The following GUCY1A1 variants were observed in gnomAD, a reference collection of about 807,000 sequenced individuals.
GUCY1A1 encodes the protein guanylate cyclase 1 soluble subunit alpha 1.
Under a neutral mutation model 64.5 loss-of-function variants are expected in GUCY1A1, and 48 were observed. That is an observed-to-expected ratio of 0.74 (90% CI 0.59 to 0.95). The LOEUF (loss-of-function observed/expected upper bound fraction) is 0.95, where lower values mean the gene tolerates loss of function less well. Ranked by LOEUF, GUCY1A1 falls within the 40% of genes least tolerant of loss-of-function variation. GUCY1A1 has a pLI of 0.00. For synonymous variants in GUCY1A1, 308 were observed against 303.4 expected (o/e 1.02, Z -0.16); for missense variants, 804 against 825.3 (o/e 0.97, Z 0.32).
At chr4:155,705,741 C>G (rs1292084299) in intron 4 of GUCY1A1, among the ~76,000 whole-genome samples, 1 of 152,146 alleles carries the variant, frequency 6.6e-6, no homozygotes, top group African/African-American at 2.4e-5. Context: ...ATCATCTGCT[C>G]TGTGGATCAT....
intron 8 of GUCY1A1, among the ~76,000 whole-genome samples, chr4:155,718,576 G>A (rs1321010956): frequency 6.6e-6 from 1 of 152,164 alleles, no homozygotes; most frequent in Admixed American, 6.5e-5. Flanking sequence ...GGATTGCAAC[G>A]ATTGAAGCTG....
rs1033159701 is a variant in GUCY1A1, at chr4:155,736,946, T to G, written c.*6715T>G. 2 of 152,028 alleles carry G rather than the reference T, an allele frequency of 1.3e-5. No individual in the cohort carries two copies. The highest frequency in any genetic ancestry group is 2.9e-5 in the Non-Finnish European group (2 of 67,964). 9.4% of individuals were successfully genotyped at this position (152,028 alleles called of 1,614,324 possible). A position where few individuals can be genotyped will look rare whatever the true frequency, so the allele number is the denominator to read the frequency against. On this transcript the variant is annotated 3_prime_UTR_variant, in exon 10 of 10. Transcript: ENST00000506455. Reference sequence around the variant, plus strand: ...ATTTATTTCGAGTTTTACTTCTGGCTGAGTTGCAAAGTCTATGAGAATGTT... The same window carrying G: ...ATTTATTTCGAGTTTTACTTCTGGCGGAGTTGCAAAGTCTATGAGAATGTT...
chr4:155,692,145 A>G (rs115403016), intron 2 of GUCY1A1, among the ~76,000 whole-genome samples: 2,293 of 152,154 alleles, frequency 0.015, 66 homozygotes, highest in African/African-American at 0.051. Flanking sequence ...TTATAACTAC[A>G]TATTATTCCA....
rs1358911105 is a variant in GUCY1A1, at chr4:155,696,910, T to C, written c.43T>C (p.Cys15Arg). ...KLKDLKITGE[C>R]PFSLLAPGQV... ...CAAGGATCTCAAGATCACAGGAGAG[T>C]GTCCTTTCTCCTTACTGGCACCAGG... Residue 15 changes from cysteine (C) to arginine (R), a missense_variant, in exon 3 of 10, where the codon TGT (cysteine) becomes CGT (arginine). Transcript: ENST00000506455. 1.9e-6 allele frequency: 3 copies of C among 1,611,558 alleles called. No homozygotes were observed. The highest frequency in any genetic ancestry group is 2.5e-6 in the Non-Finnish European group (3 of 1,178,058).
chr4:155,700,950 A>T (rs1731004313), intron 3 of GUCY1A1, among the ~76,000 whole-genome samples: 2 of 152,200 alleles, frequency 1.3e-5, no homozygotes, highest in African/African-American at 4.8e-5. Flanking sequence ...GGTATGGAGC[A>T]GTCCTGAAGT....
chr4:155,713,361 A>G lies in GUCY1A1; in HGVS notation c.1350A>G (p.Thr450=), dbSNP rs201841597. Reference sequence around the variant, plus strand: ...CCCTGGAGGAGGAGAAGAAAAAGACAGTAGACCTTCTGTGCTCCATATTTC... The same window carrying G: ...CCCTGGAGGAGGAGAAGAAAAAGACGGTAGACCTTCTGTGCTCCATATTTC... ...HQALEEEKKK[T]VDLLCSIFPC... is the part of the protein sequence containing the mutation. Residue 450 remains threonine, a synonymous_variant, in exon 7 of 10, where the codon ACA becomes ACG. Transcript: ENST00000506455. 1.2e-6 allele frequency: 2 copies of G among 1,614,178 alleles called. No individual in the cohort carries two copies. Among genetic ancestry groups the G allele is most frequent in the Admixed American group, 3.3e-5 (2 of 60,026 alleles).
At chr4:155,702,862 T>C (rs972066217) in intron 3 of GUCY1A1, among the ~76,000 whole-genome samples, 6 of 152,184 alleles carry the variant, frequency 3.9e-5, no homozygotes, top group African/African-American at 1.4e-4. Flanking sequence ...CTACAAGAGA[T>C]ATAAATAGTT....
chr4:155,678,231 G>A (rs1735228647), intron 2 of GUCY1A1, among the ~76,000 whole-genome samples: 1 of 152,118 alleles, frequency 6.6e-6, no homozygotes, highest in African/African-American at 2.4e-5. Flanking sequence ...GCTGCAATCT[G>A]TGAGAGAATG....
At chr4:155,701,646 G>A (rs1731095814) in intron 3 of GUCY1A1, among the ~76,000 whole-genome samples, 1 of 151,874 alleles carries the variant, frequency 6.6e-6, no homozygotes, top group Non-Finnish European at 1.5e-5. Flanking sequence ...CCCACAAAAT[G>A]TTCCTGGTCA....
intron 2 of GUCY1A1, among the ~76,000 whole-genome samples, chr4:155,674,539 A>T (rs2126535332): frequency 6.6e-6 from 1 of 151,562 alleles, no homozygotes; most frequent in South Asian, 2.1e-4. Flanking sequence ...GATTTTTTCT[A>T]TTTTTAAAAT....
rs1178075482 is a variant in GUCY1A1 at position 155,732,705 on chromosome 4, G to A, written c.*2474G>A. Among the ~76,000 whole-genome samples the A allele has an allele frequency of 1.3e-5, 2 of 151,754 alleles. No homozygotes were observed. The highest frequency in any genetic ancestry group is 2.9e-5 in the Non-Finnish European group (2 of 67,846). On this transcript the variant is annotated 3_prime_UTR_variant, in exon 10 of 10. Transcript: ENST00000506455. ...GGACAAACAGCCTGTAATCAGGTTG[G>A]GGATTACGGGTACTGAGTTATGTTG...
At chr4:155,729,417 G>T (rs547959380) in intron 9 of GUCY1A1, among the ~76,000 whole-genome samples, 1 of 151,902 alleles carries the variant, frequency 6.6e-6, no homozygotes, top group East Asian at 1.9e-4. Context: ...GTAAACAGAT[G>T]AATTTCAGGA....
intron 2 of GUCY1A1, among the ~76,000 whole-genome samples, chr4:155,685,991 G>A (rs7658967): frequency 0.3 from 45,075 of 151,990 alleles, 7,212 homozygotes; most frequent in Middle Eastern, 0.36. Flanking sequence ...TAATTCAAGT[G>A]TTCCACAGGT....
chr4:155,735,151 T>C lies in GUCY1A1; in HGVS notation c.*4920T>C, dbSNP rs949651299. 1 of 152,004 alleles carries C rather than the reference T, an allele frequency of 6.6e-6. No individual in the cohort carries two copies. The highest frequency in any genetic ancestry group is 1.5e-5 in the Non-Finnish European group (1 of 67,954). 9.4% of individuals were successfully genotyped at this position (152,004 alleles called of 1,614,324 possible). Reference sequence around the variant, plus strand: ...ACTTCCCTTGAAGCAGCTTTGCTTATTACAGCCACACCTGCATCTGTTTTG... The same window carrying C: ...ACTTCCCTTGAAGCAGCTTTGCTTACTACAGCCACACCTGCATCTGTTTTG... On this transcript the variant is annotated 3_prime_UTR_variant, in exon 10 of 10. Transcript: ENST00000506455.
chr4:155,674,420 T>C (rs1375489494), intron 2 of GUCY1A1, among the ~76,000 whole-genome samples: 1 of 151,026 alleles, frequency 6.6e-6, no homozygotes, highest in South Asian at 2.1e-4. Flanking sequence ...TGAGCCTACT[T>C]GGAACAGTGA....
intron 4 of GUCY1A1, among the ~76,000 whole-genome samples, chr4:155,707,839 C>CTTTT (rs67716734): frequency 0.51 from 72,405 of 142,658 alleles, 20,833 homozygotes; most frequent in East Asian, 0.73. Context: ...TTCTTTCTTT[C>CTTTT]TTTTTTTTTT....
intron 4 of GUCY1A1, among the ~76,000 whole-genome samples, chr4:155,705,771 C>T (rs1731683334): frequency 6.6e-6 from 1 of 152,156 alleles, no homozygotes. Context: ...ATTTTCCTTG[C>T]TGACTAGCTG....
At chr4:155,673,681 GGAACGGGTAATGCT>G (rs1211886298) in intron 2 of GUCY1A1, among the ~76,000 whole-genome samples, 4 of 151,298 alleles carry the variant, frequency 2.6e-5, no homozygotes, top group Non-Finnish European at 5.9e-5. Flanking sequence ...TGTGTGTGGC[GGAACGGGTAATGCT>G]GAGCCTTCCC....
chr4:155,676,287 C>G (rs1261378854), intron 2 of GUCY1A1, among the ~76,000 whole-genome samples: 2 of 136,180 alleles, frequency 1.5e-5, no homozygotes, highest in Non-Finnish European at 3.1e-5. Flanking sequence ...AAAGAATGTC[C>G]TAAGAAGAGC....
Sources: gnomAD v4.1 joint callset for allele counts (sites outside exome capture counted in the v4.1 genomes callset) on GRCh38, gnomAD v4.1.1 for gene constraint, MANE v1.5 for transcripts, NCBI Gene and HGNC (gene_info 2026-07-23, HGNC 2026-07-21) for gene names.